WIPF3: variants seen among roughly 807,000 people sequenced by gnomAD.
The protein encoded by WIPF3 is WAS/WASL interacting protein family member 3.
In WIPF3, 33 loss-of-function variants were observed where a neutral mutation model predicts 38.9. The observed-to-expected ratio is 0.85, with a 90% CI of 0.64 to 1.14. WIPF3 has a LOEUF of 1.14. WIPF3 is among the 50% of genes most tolerant of loss of function. The probability of loss-of-function intolerance (pLI) is 0.00; values close to 1 mark genes in which losing one functional copy is unlikely to be tolerated. For missense variants in WIPF3, 711 were observed against 652.5 expected (o/e 1.09, Z -0.98); for synonymous variants, 324 against 269.3 (o/e 1.20, Z -1.99).
chr7:29,892,992 G>C (rs566164916), intron 7 of WIPF3, among the ~76,000 whole-genome samples: 1 of 152,300 alleles, frequency 6.6e-6, no homozygotes, highest in African/African-American at 2.4e-5. Flanking sequence ...TTGAACCTGG[G>C]AGGCAGAGGT....
At chr7:29,900,637 A>G (rs1786256093) in intron 7 of WIPF3, among the ~76,000 whole-genome samples, 1 of 152,238 alleles carries the variant, frequency 6.6e-6, no homozygotes, top group Non-Finnish European at 1.5e-5. Flanking sequence ...GATCATTTCC[A>G]ATCACACTTG....
At position 29,819,707 on chromosome 7, in the gene WIPF3, A is replaced by G. The variant is rs149243808; in HGVS notation, c.-58+13029A>G. ...TGCATTCCATAGGTTCTGATATGCA[A>G]TGTTTTCATTATCCTTATTTTCTCA... On this transcript the variant is annotated intron_variant, in intron 1 of 8. Transcript: ENST00000242140. 4.2e-3 allele frequency among the ~76,000 whole-genome samples: 639 copies of G among 152,106 alleles called. 8 individuals carry two copies. Among genetic ancestry groups the G allele is most frequent in the African/African-American group, 0.014 (602 of 41,546 alleles).
At chr7:29,813,963 C>A (rs1290670413) in intron 1 of WIPF3, among the ~76,000 whole-genome samples, 2 of 151,926 alleles carry the variant, frequency 1.3e-5, no homozygotes, top group Non-Finnish European at 2.9e-5. Context: ...CTCTGTCACC[C>A]AGACTGGAGT....
chr7:29,887,997 A>G, intron 5 of WIPF3, 71 bp from the exon 6 acceptor site: 1 of 1,578,152 alleles, frequency 6.3e-7, no homozygotes, highest in African/African-American at 1.3e-5. Flanking sequence ...AATGCCTAAT[A>G]TCTCACATAA....
Position 29,857,941 on chromosome 7 carries a change from A to G in WIPF3, c.91-17889A>G, listed in dbSNP as rs917261245. On this transcript the variant is annotated intron_variant, in intron 2 of 8. Coordinates refer to ENST00000242140, the MANE Select transcript of WIPF3 (RefSeq NM_001080529.3). ...CATCATCTTTAAAACCCTCCTTTTC[A>G]TGGTTGTTGCAGCATGAACCTATTG... Among the ~76,000 whole-genome samples, 10 of 151,960 alleles carry G rather than the reference A, an allele frequency of 6.6e-5. No individual in the cohort carries two copies. In the South Asian group the frequency reaches 8.3e-4, roughly 13 times the overall value.
chr7:29,863,616 G>A (rs1287388893), intron 2 of WIPF3, among the ~76,000 whole-genome samples: 3 of 152,128 alleles, frequency 2.0e-5, no homozygotes, highest in Non-Finnish European at 2.9e-5. Flanking sequence ...AAATCTTACT[G>A]GGATTTTGAT....
chr7:29,845,823 A>G (rs192093247), intron 2 of WIPF3, among the ~76,000 whole-genome samples: 36 of 152,382 alleles, frequency 2.4e-4, no homozygotes, highest in African/African-American at 7.7e-4. Context: ...GTAGGCACTC[A>G]GTTCCTAGCC....
At chr7:29,824,323 G>A (rs186428763) in intron 1 of WIPF3, among the ~76,000 whole-genome samples, 40 of 152,198 alleles carry the variant, frequency 2.6e-4, no homozygotes, top group African/African-American at 5.8e-4. Context: ...AAAACAAAAC[G>A]AAAATGAAAA....
chr7:29,893,844 C>T (rs1014141933), intron 7 of WIPF3, among the ~76,000 whole-genome samples: 6 of 152,154 alleles, frequency 3.9e-5, no homozygotes, highest in African/African-American at 1.4e-4. Context: ...TTACACCCAC[C>T]TGGCCCCTGA....
At chr7:29,812,248 T>C (rs915284738) in intron 1 of WIPF3, among the ~76,000 whole-genome samples, 2 of 152,206 alleles carry the variant, frequency 1.3e-5, no homozygotes, top group Admixed American at 1.3e-4. Flanking sequence ...CAGATGTGAA[T>C]TGTAGCAGCT....
At chr7:29,843,721 G>T (rs1199872980) in intron 2 of WIPF3, among the ~76,000 whole-genome samples, 1 of 152,158 alleles carries the variant, frequency 6.6e-6, no homozygotes, top group Non-Finnish European at 1.5e-5. Flanking sequence ...GGTCACCATC[G>T]TTGGGAGGCT....
At chr7:29,834,950 G>T in intron 2 of WIPF3, 136 bp downstream of exon 2, 2 of 1,091,338 alleles carry the variant, frequency 1.8e-6, no homozygotes, top group South Asian at 3.1e-5. Flanking sequence ...GGCTGGATCT[G>T]GCAGCTTTAG....
In WIPF3 at chr7:29,838,675, A is replaced by G. The variant is rs145989126; in HGVS notation, c.90+3861A>G. ...TAAATTGATATAAACCCTTTGGAAA[A>G]CCGTTTGACAGCACCTACCACAGTT... On this transcript the variant is annotated intron_variant, in intron 2 of 8. Coordinates refer to ENST00000242140, the MANE Select transcript of WIPF3 (RefSeq NM_001080529.3). Among the ~76,000 whole-genome samples the G allele has an allele frequency of 2.6e-5, 4 of 152,160 alleles. No homozygotes were observed. In the East Asian group the frequency reaches 7.7e-4, roughly 29 times the overall value.
intron 2 of WIPF3, among the ~76,000 whole-genome samples, chr7:29,837,359 A>C (rs1174618476): frequency 1.3e-5 from 2 of 152,252 alleles, no homozygotes; most frequent in Admixed American, 6.5e-5. Flanking sequence ...CCGTCTCAAA[A>C]AAACAAACAA....
intron 2 of WIPF3, among the ~76,000 whole-genome samples, chr7:29,873,519 AG>A (rs1562782710): frequency 6.6e-6 from 1 of 152,236 alleles, no homozygotes; most frequent in Non-Finnish European, 1.5e-5. Flanking sequence ...ATAAAATGAG[AG>A]GAAACTTTAA....
At chr7:29,872,483 T>C (rs1472090526) in intron 2 of WIPF3, among the ~76,000 whole-genome samples, 1 of 152,076 alleles carries the variant, frequency 6.6e-6, no homozygotes, top group African/African-American at 2.4e-5. Context: ...GAGGAGAGGA[T>C]TGGCGAACAC....
chr7:29,843,706 G>A (rs1784954451), intron 2 of WIPF3, among the ~76,000 whole-genome samples: 19 of 152,122 alleles, frequency 1.2e-4, no homozygotes, highest in Admixed American at 1.2e-3. Context: ...TGCTGTGCTT[G>A]CGAAGGTCAC....
In WIPF3 at chr7:29,878,629, C is replaced by T. The variant is rs1039503348; in HGVS notation, c.224-380C>T. ...CTGTGGGTTTTCTTTGTCTAGTCCT[C>T]CATAGCCAAGTTGAAAATAAGAGCA... On this transcript the variant is annotated intron_variant, in intron 3 of 8. Transcript: ENST00000242140. The surrounding 1 kb of genome is among the most constrained non-coding windows in gnomAD (Gnocchi z 4.0). Among the ~76,000 whole-genome samples, 1 of 151,436 alleles carries T rather than the reference C, an allele frequency of 6.6e-6. No individual in the cohort carries two copies. Among genetic ancestry groups the T allele is most frequent in the African/African-American group, 2.4e-5 (1 of 41,128 alleles).
At chr7:29,856,218 A>G (rs1024281921) in intron 2 of WIPF3, among the ~76,000 whole-genome samples, 6 of 152,078 alleles carry the variant, frequency 3.9e-5, no homozygotes, top group Non-Finnish European at 8.8e-5. Flanking sequence ...TTTGTATTCT[A>G]TTCCCTATTG....
Sources: gnomAD v4.1 joint callset for allele counts (sites outside exome capture counted in the v4.1 genomes callset) on GRCh38, gnomAD v4.1.1 for gene constraint, Gnocchi (gnomAD v3.1) non-coding constraint, MANE v1.5 for transcripts, NCBI Gene and HGNC (gene_info 2026-07-23, HGNC 2026-07-21) for gene names.